Variants in ENPP2 observed in about 807,000 individuals in gnomAD.
ENPP2 encodes autotaxin.
In ENPP2, 51 loss-of-function variants were observed where a neutral mutation model predicts 120.2. The observed-to-expected ratio is 0.42, with a 90% CI of 0.34 to 0.54. ENPP2 has a LOEUF of 0.54. Ranked by LOEUF, ENPP2 falls within the 20% of genes least tolerant of loss-of-function variation. The pLI is 0.04. For synonymous variants in ENPP2, 365 were observed against 366.4 expected, an observed-to-expected ratio of 1.00 and a Z score of 0.04; for missense variants, 920 against 1,066.5, an observed-to-expected ratio of 0.86 and a Z score of 1.91.
chr8:119,654,859 T>C (rs1484626179), intron 1 of ENPP2, among the ~76,000 whole-genome samples: 1 of 152,236 alleles, frequency 6.6e-6, no homozygotes, highest in Non-Finnish European at 1.5e-5. Flanking sequence ...AAGCATCTAC[T>C]ATTTCTCTGT....
At chr8:119,642,434 G>T (rs1022017595), upstream of ENPP2, among the ~76,000 whole-genome samples, 1 of 151,724 alleles carries the variant, frequency 6.6e-6, no homozygotes, top group Non-Finnish European at 1.5e-5. Context: ...TGCTAACGAT[G>T]GTTGACATAA....
chr8:119,567,813 A>C (rs914116224), intron 22 of ENPP2, among the ~76,000 whole-genome samples: 1 of 152,234 alleles, frequency 6.6e-6, no homozygotes, highest in African/African-American at 2.4e-5. Context: ...TTAAGATAAT[A>C]AGTATTGAAA....
intron 9 of ENPP2, among the ~76,000 whole-genome samples, chr8:119,603,445 T>C (rs1420555432): frequency 6.6e-6 from 1 of 152,142 alleles, no homozygotes; most frequent in Admixed American, 6.5e-5. Flanking sequence ...TGAACAATGG[T>C]AGACGGGGAA....
chr8:119,562,061 C>T (rs1311823475), intron 24 of ENPP2, among the ~76,000 whole-genome samples: 4 of 151,426 alleles, frequency 2.6e-5, no homozygotes, highest in African/African-American at 4.9e-5. Context: ...GGCGTGAGCC[C>T]GGGAGGCGGA....
rs141970010 is a variant in ENPP2 at position 119,634,259 on chromosome 8, A to G, written c.136+4166T>C. 9.3e-4 allele frequency among the ~76,000 whole-genome samples: 141 copies of G among 152,182 alleles called. 1 individual carries two copies. In the East Asian group the frequency reaches 0.019, roughly 20 times the overall value. ...ACAATGTCCTCATATAGAGCTCACA[A>G]ACTAGAAGGAAAAAAAAAGATTTCT... On this transcript the variant is annotated intron_variant, in intron 2 of 24. Transcript: ENST00000075322.
chr8:119,565,152 T>C (rs1017206030), intron 22 of ENPP2, among the ~76,000 whole-genome samples, 197 bp from the exon 23 acceptor site: 1 of 151,936 alleles, frequency 6.6e-6, no homozygotes, highest in Non-Finnish European at 1.5e-5. Flanking sequence ...AAGGGAACAG[T>C]GTAGAGCTAT....
chr8:119,616,352 G>A lies in ENPP2; in HGVS notation c.690C>T (p.Gly230=). ...GLYPESHGIV[G]NSMYDPVFDA... is the part of the protein sequence containing the mutation. Reference sequence around the variant, plus strand: ...CAAATACAGGATCATACATTGAATTGCCAACAATTCCATGTGATTCTGGAT... The same window carrying A: ...CAAATACAGGATCATACATTGAATTACCAACAATTCCATGTGATTCTGGAT... The change falls in exon 8 of 25, where the codon GGC becomes GGT. Residue 230 remains glycine, a synonymous_variant. Transcript: ENST00000075322. The A allele has an allele frequency of 1.9e-6, 3 of 1,606,390 alleles. No homozygotes were observed. Among genetic ancestry groups the A allele is most frequent in the Non-Finnish European group, 1.7e-6 (2 of 1,174,328 alleles).
At chr8:119,585,702 A>G (rs1257437872) in intron 15 of ENPP2, among the ~76,000 whole-genome samples, 1 of 152,196 alleles carries the variant, frequency 6.6e-6, no homozygotes, top group Non-Finnish European at 1.5e-5. Flanking sequence ...GTTCAATAGA[A>G]GGCAAACATT....
chr8:119,583,863 CTATT>C, intron 16 of ENPP2, 59 bp from the exon 17 acceptor site: 1 of 1,373,818 alleles, frequency 7.3e-7, no homozygotes, highest in Non-Finnish European at 1.0e-6. Context: ...AACCCTTCCT[CTATT>C]TATGAATACT....
In ENPP2 at chr8:119,661,299, G is replaced by A. The variant is rs138210792; in HGVS notation, c.21+11953C>T. On this transcript the variant is annotated intron_variant, in intron 1 of 25. Transcript: ENST00000427067. Reference sequence around the variant, plus strand: ...GTATACCTATGTAACAAACCTGCACGTTCAGCACAGATATCCCAGAACTTA... The same window carrying A: ...GTATACCTATGTAACAAACCTGCACATTCAGCACAGATATCCCAGAACTTA... Among the ~76,000 whole-genome samples, 1,108 of 152,180 alleles carry A rather than the reference G, an allele frequency of 7.3e-3. 17 individuals are homozygous for A. Among genetic ancestry groups the A allele is most frequent in the African/African-American group, 0.024 (994 of 41,518 alleles).
chr8:119,639,679 A>G (rs562783473), upstream of ENPP2, among the ~76,000 whole-genome samples: 11 of 152,256 alleles, frequency 7.2e-5, no homozygotes, highest in African/African-American at 2.2e-4. Flanking sequence ...TTTATTAGCA[A>G]TTGAATTTAG....
At chr8:119,558,689 C>T (rs1299081343) in intron 24 of ENPP2, among the ~76,000 whole-genome samples, 7 of 151,472 alleles carry the variant, frequency 4.6e-5, no homozygotes, top group African/African-American at 1.7e-4. Context: ...GAATATGGAG[C>T]AGTGTCTACT....
rs544660823 is a variant in ENPP2 at position 119,660,571 on chromosome 8, T to C, written c.21+12681A>G. On this transcript the variant is annotated intron_variant, in intron 1 of 25. Transcript: ENST00000427067. The stretch of plus-strand genomic sequence containing the variant: ...AACCAGCCCCTCTTGGGTCAGCTTC[T>C]GAGCAGAAGCTTTGGAATTCAAACA... Among the ~76,000 whole-genome samples, 5 of 152,362 alleles carry C rather than the reference T, an allele frequency of 3.3e-5. No homozygotes were observed. In the South Asian group the frequency reaches 1.0e-3, roughly 32 times the overall value.
chr8:119,649,129 C>T (rs1369007111), intron 1 of ENPP2, among the ~76,000 whole-genome samples: 2 of 151,672 alleles, frequency 1.3e-5, no homozygotes, highest in Admixed American at 1.3e-4. Flanking sequence ...CACGGTGGCT[C>T]ATGCCTGTAA....
intron 19 of ENPP2, among the ~76,000 whole-genome samples, chr8:119,574,446 G>A (rs987694305): frequency 8.6e-5 from 13 of 151,560 alleles, no homozygotes; most frequent in Admixed American, 6.6e-4. Flanking sequence ...ATTCCAGACC[G>A]AGCCTTCATT....
chr8:119,627,975 A>G (rs897440064), intron 2 of ENPP2, among the ~76,000 whole-genome samples: 1 of 151,114 alleles, frequency 6.6e-6, no homozygotes, highest in Non-Finnish European at 1.5e-5. Flanking sequence ...ACAAACCAGA[A>G]GACTCAGTGC....
intron 1 of ENPP2, among the ~76,000 whole-genome samples, chr8:119,668,935 C>T (rs1212634475): frequency 6.6e-6 from 1 of 152,202 alleles, no homozygotes; most frequent in Non-Finnish European, 1.5e-5. Flanking sequence ...CACATACACA[C>T]ATACCTAGTA....
At chr8:119,574,449 C>T (rs766320882) in intron 19 of ENPP2, among the ~76,000 whole-genome samples, 1 of 151,668 alleles carries the variant, frequency 6.6e-6, no homozygotes. Flanking sequence ...CCAGACCGAG[C>T]CTTCATTCCA....
In ENPP2 at chr8:119,593,641, G is replaced by A. The variant is rs1026889731; in HGVS notation, c.1081+111C>T. On this transcript the variant is annotated intron_variant, in intron 12 of 24. Coordinates refer to ENST00000075322, the MANE Select transcript of ENPP2 (RefSeq NM_001040092.3). ...TCTATCCCCATCTTAAAGAAAGCGG[G>A]GATGAGGTTAAGAATGGAGTCTTGG... 3 of 690,432 alleles carry A rather than the reference G, an allele frequency of 4.3e-6. No individual in the cohort carries two copies. The African/African-American group carries it at 5.4e-5, about 12-fold the overall frequency. 42.8% of individuals were successfully genotyped at this position (690,432 alleles called of 1,614,324 possible).
Sources: allele counts gnomAD v4.1 joint callset (sites outside exome capture counted in the v4.1 genomes callset), GRCh38; gene constraint gnomAD v4.1.1; transcripts MANE v1.5; gene names NCBI Gene and HGNC (gene_info 2026-07-23, HGNC 2026-07-21).